Variants in RBFOX1 observed in about 807,000 individuals in gnomAD.
RBFOX1 encodes RNA binding fox-1 homolog 1.
In RBFOX1, 8 loss-of-function variants were observed where a neutral mutation model predicts 57.7. The ratio of observed to expected loss-of-function variants is 0.14; its 90% CI spans 0.08 to 0.25. RBFOX1 has a LOEUF of 0.25. RBFOX1 is among the 10% of genes least tolerant of loss of function. RBFOX1 has a pLI of 1.00. For missense variants in RBFOX1, 611 were observed against 548.5 expected, an observed-to-expected ratio of 1.11 and a Z score of -1.14; for synonymous variants, 326 against 222.4, an observed-to-expected ratio of 1.47 and a Z score of -4.15.
At chr16:6,968,267 G>C (rs1314216365) in intron 3 of RBFOX1, among the ~76,000 whole-genome samples, 1 of 152,242 alleles carries the variant, frequency 6.6e-6, no homozygotes, top group Non-Finnish European at 1.5e-5. Flanking sequence ...CAGGCAAGCT[G>C]TCACTTGGAG....
At chr16:6,908,122 A>T (rs576854758) in intron 3 of RBFOX1, among the ~76,000 whole-genome samples, 2 of 151,842 alleles carry the variant, frequency 1.3e-5, no homozygotes, top group African/African-American at 4.8e-5. Flanking sequence ...GGACATCCAC[A>T]TGTTTTGGAG....
chr16:6,869,127 C>A (rs1470630200), intron 3 of RBFOX1, among the ~76,000 whole-genome samples: 2 of 152,226 alleles, frequency 1.3e-5, no homozygotes, highest in Non-Finnish European at 2.9e-5. Flanking sequence ...GTTGCCCATA[C>A]TGGCTTATGC....
At chr16:6,799,206 C>G (rs1297953534) in intron 3 of RBFOX1, among the ~76,000 whole-genome samples, 2 of 152,036 alleles carry the variant, frequency 1.3e-5, no homozygotes, top group African/African-American at 2.4e-5. Context: ...AGCCAGTTTA[C>G]TAGGGGAAAC....
At chr16:7,497,809 C>T (rs1185966009) in intron 4 of RBFOX1, among the ~76,000 whole-genome samples, 1 of 152,188 alleles carries the variant, frequency 6.6e-6, no homozygotes, top group East Asian at 1.9e-4. Flanking sequence ...TCTACGGATG[C>T]CTTAAGCATT....
chr16:6,304,876 CA>C (rs58680911), intron 1 of RBFOX1, among the ~76,000 whole-genome samples: 20,397 of 79,484 alleles, frequency 0.26, 2,127 homozygotes, highest in East Asian at 0.59. Context: ...GACCCTGTCT[CA>C]AAAAAAAAAA....
chr16:5,450,698 G>A (rs2068397077), intron 1 of RBFOX1, among the ~76,000 whole-genome samples: 2 of 152,270 alleles, frequency 1.3e-5, no homozygotes, highest in Non-Finnish European at 2.9e-5. Flanking sequence ...CACCACCACC[G>A]CTCCGTGCTG....
chr16:6,817,030 G>T (rs144663513), intron 3 of RBFOX1, among the ~76,000 whole-genome samples: 47 of 152,182 alleles, frequency 3.1e-4, no homozygotes, highest in African/African-American at 1.1e-3. Flanking sequence ...TGGCAGGTGC[G>T]AGTCACCATG....
Position 7,110,777 on chromosome 16 carries a change from T to G in RBFOX1, c.27+58679T>G, listed in dbSNP as rs77071751. Among the ~76,000 whole-genome samples, 535 of 152,276 alleles carry G rather than the reference T, an allele frequency of 3.5e-3. 3 individuals are homozygous for G. Among genetic ancestry groups the G allele is most frequent in the African/African-American group, 0.012 (498 of 41,570 alleles). On this transcript the variant is annotated intron_variant, in intron 4 of 15. Transcript: ENST00000550418. ...TTGTGCACGTAATATTACAAAGTGG[T>G]CATGTCACAGGAGAAAATTTTAGTG...
At chr16:6,277,786 G>C (rs2075982690) in intron 1 of RBFOX1, among the ~76,000 whole-genome samples, 2 of 152,062 alleles carry the variant, frequency 1.3e-5, no homozygotes, top group South Asian at 4.1e-4. Flanking sequence ...GAAGAGGGGT[G>C]GCAATGAAGA....
chr16:5,512,626 T>C (rs916796327), intron 2 of RBFOX1, among the ~76,000 whole-genome samples: 8 of 152,190 alleles, frequency 5.3e-5, no homozygotes, highest in African/African-American at 1.9e-4. Context: ...AACCATTTAT[T>C]TTGGAATAGG....
chr16:7,684,387 A>C (rs1423351422), intron 14 of RBFOX1, among the ~76,000 whole-genome samples: 1 of 152,104 alleles, frequency 6.6e-6, no homozygotes, highest in East Asian at 1.9e-4. Flanking sequence ...GGAGAATAGA[A>C]GGAGTAACTA....
chr16:6,217,419 C>T (rs1484512250), intron 1 of RBFOX1, among the ~76,000 whole-genome samples: 3 of 152,086 alleles, frequency 2.0e-5, no homozygotes, highest in Admixed American at 6.5e-5. Flanking sequence ...ATTGAGAAAA[C>T]GTGATAATCA....
At chr16:6,809,474 T>C (rs918715478) in intron 3 of RBFOX1, among the ~76,000 whole-genome samples, 2 of 152,176 alleles carry the variant, frequency 1.3e-5, no homozygotes, top group East Asian at 3.9e-4. Flanking sequence ...TACAAAAATA[T>C]TATCTTCCTC....
intron 1 of RBFOX1, among the ~76,000 whole-genome samples, chr16:6,050,757 G>T (rs1334592905): frequency 1.3e-5 from 2 of 151,912 alleles, no homozygotes; most frequent in Admixed American, 1.3e-4. Context: ...AGTTTATACA[G>T]GAAATACAGG....
At chr16:5,448,226 C>T (rs1454333949) in intron 1 of RBFOX1, among the ~76,000 whole-genome samples, 5 of 152,236 alleles carry the variant, frequency 3.3e-5, no homozygotes, top group Admixed American at 1.3e-4. Context: ...TAGACCTGGA[C>T]GCTGCATGTT....
At chr16:5,278,054 G>A (rs1309722059) in intron 1 of RBFOX1, among the ~76,000 whole-genome samples, 2 of 152,072 alleles carry the variant, frequency 1.3e-5, no homozygotes, top group Admixed American at 6.6e-5. Context: ...TGGTAGATCT[G>A]TTCTTAGTTT....
At chr16:7,140,640 A>G (rs1017701861) in intron 4 of RBFOX1, among the ~76,000 whole-genome samples, 4 of 152,196 alleles carry the variant, frequency 2.6e-5, no homozygotes, top group South Asian at 2.1e-4. Flanking sequence ...GAGCTCATCA[A>G]TATCTGAACC....
At chr16:6,399,578 A>C (rs1266542147) in intron 2 of RBFOX1, among the ~76,000 whole-genome samples, 1 of 152,158 alleles carries the variant, frequency 6.6e-6, no homozygotes, top group Admixed American at 6.5e-5. Flanking sequence ...GGAAGTTCCA[A>C]ACTTTGCCAC....
At chr16:5,642,611 C>T (rs929646712) in intron 3 of RBFOX1, among the ~76,000 whole-genome samples, 5 of 151,888 alleles carry the variant, frequency 3.3e-5, no homozygotes, top group East Asian at 1.9e-4. Flanking sequence ...TGCCTAGCCG[C>T]CCCCCCTTCC....
Sources: gnomAD v4.1 joint callset for allele counts (sites outside exome capture counted in the v4.1 genomes callset) on GRCh38, gnomAD v4.1.1 for gene constraint, MANE v1.5 for transcripts, NCBI Gene and HGNC (gene_info 2026-07-23, HGNC 2026-07-21) for gene names.